The following VAPA variants were observed in gnomAD, a reference collection of about 807,000 sequenced individuals.
VAPA encodes vesicle-associated membrane protein-associated protein A.
In VAPA, 6 loss-of-function variants were observed where a neutral mutation model predicts 25.6. The observed-to-expected ratio is 0.23, with a 90% confidence interval of 0.13 to 0.46. The LOEUF (loss-of-function observed/expected upper bound fraction) is 0.46. VAPA is among the 20% of genes least tolerant of loss of function. The pLI, the probability that VAPA is intolerant of heterozygous loss-of-function variation, is 0.99. For missense variants in VAPA, 244 were observed against 302.1 expected, an observed-to-expected ratio of 0.81 and a Z score of 1.43; for synonymous variants, 112 against 106.2, an observed-to-expected ratio of 1.05 and a Z score of -0.34.
intron 4 of VAPA, among the ~76,000 whole-genome samples, chr18:9,947,041 C>T (rs74779418): frequency 0.022 from 3,383 of 152,278 alleles, 154 homozygotes; most frequent in African/African-American, 0.077. Context: ...TGCCTTCCAC[C>T]TCCACATCCT....
At chr18:9,921,569 G>A (rs1027432775) in intron 1 of VAPA, among the ~76,000 whole-genome samples, 3 of 152,102 alleles carry the variant, frequency 2.0e-5, no homozygotes, top group Admixed American at 2.0e-4. Flanking sequence ...TAGTAAAATG[G>A]TTACTATAGT....
chr18:9,931,966 G>C lies in VAPA; in HGVS notation c.232+4G>C. ...GGGTCAACTGTGACTGTTTCAGGTAGCAAATCATGTTCTGAATTTATGTAC... is the reference window on the plus strand; with the variant it reads ...GGGTCAACTGTGACTGTTTCAGGTACCAAATCATGTTCTGAATTTATGTAC... On this transcript the variant is annotated splice_donor_region_variant and intron_variant, in intron 2 of 5. Coordinates refer to ENST00000400000, the MANE Select transcript of VAPA (RefSeq NM_194434.3). The C allele has an allele frequency of 1.3e-6, 2 of 1,570,434 alleles. No individual in the cohort carries two copies. Among genetic ancestry groups the C allele is most frequent in the African/African-American group, 1.4e-5 (1 of 73,124 alleles).
At chr18:9,929,295 C>T (rs575126452) in intron 1 of VAPA, among the ~76,000 whole-genome samples, 4 of 152,258 alleles carry the variant, frequency 2.6e-5, no homozygotes, top group Non-Finnish European at 4.4e-5. Context: ...GTCCTGTTTC[C>T]TGCCCCCACC....
At chr18:9,922,247 G>GTATATGTATAT (rs2069163174) in intron 1 of VAPA, among the ~76,000 whole-genome samples, 1 of 152,038 alleles carries the variant, frequency 6.6e-6, no homozygotes. Flanking sequence ...TGGAATTACA[G>GTATATGTATAT]GCATGAGCTA....
intron 4 of VAPA, chr18:9,950,051 A>T: frequency 4.9e-6 from 1 of 204,026 alleles, no homozygotes; most frequent in Admixed American, 5.9e-5. Context: ...GTCATTCAGC[A>T]TACTTTCATT....
intron 4 of VAPA, among the ~76,000 whole-genome samples, chr18:9,943,716 A>G (rs1302762125): frequency 1.3e-5 from 2 of 151,580 alleles, no homozygotes; most frequent in African/African-American, 4.8e-5. Context: ...TTTATGACCT[A>G]TTCAGTTCTT....
intron 1 of VAPA, among the ~76,000 whole-genome samples, chr18:9,929,933 T>C (rs2069236660): frequency 6.6e-6 from 1 of 152,200 alleles, no homozygotes; most frequent in Non-Finnish European, 1.5e-5. Context: ...AGATAATTTA[T>C]ATTTTTATGT....
rs956373706 is a variant in VAPA, at chr18:9,950,467, A to T, written c.490A>T (p.Ser164Cys). The change falls in exon 5 of 6, where the codon AGT becomes TGT. Residue 164 changes from serine (S) to cysteine (C), a missense_variant. Ser to Cys is a moderately radical substitution (Grantham distance 112). Transcript: ENST00000400000. ...KQDGPMPKPH[S>C]VSLNDTETRK... ...AGATGGACCTATGCCAAAACCACAC[A>T]GTGTTTCACTTAATGATACCGAAAC... The T allele has an allele frequency of 6.2e-7, 1 of 1,614,154 alleles. No homozygotes were observed. The highest frequency in any genetic ancestry group is 1.7e-5 in the Admixed American group (1 of 60,024).
chr18:9,928,026 C>T (rs758024230), intron 1 of VAPA, among the ~76,000 whole-genome samples: 3 of 151,950 alleles, frequency 2.0e-5, no homozygotes, highest in African/African-American at 7.2e-5. Context: ...TGGGATAGTT[C>T]ATTATAAACA....
At chr18:9,926,335 C>A (rs1053481572) in intron 1 of VAPA, among the ~76,000 whole-genome samples, 4 of 152,150 alleles carry the variant, frequency 2.6e-5, no homozygotes, top group African/African-American at 9.7e-5. Context: ...TGAAGGTAGT[C>A]ATCACCTGCA....
At chr18:9,936,728 G>GAA (rs969673207) in intron 3 of VAPA, 2 of 402,102 alleles carry the variant, frequency 5.0e-6, no homozygotes, top group South Asian at 9.7e-5. Context: ...TGGAAAAAAA[G>GAA]AAAGAAATGC....
chr18:9,958,696 C>T lies in VAPA; in HGVS notation c.*4485C>T, dbSNP rs1048706409. 3.3e-5 allele frequency: 5 copies of T among 151,928 alleles called. No individual in the cohort carries two copies. The highest frequency in any genetic ancestry group is 1.2e-4 in the African/African-American group (5 of 41,356). The allele number at this position is 151,928 out of a possible 1,614,324, so 9.4% of individuals were successfully genotyped here. On this transcript the variant is annotated 3_prime_UTR_variant, in exon 6 of 6. Coordinates refer to ENST00000400000, the MANE Select transcript of VAPA (RefSeq NM_194434.3). The stretch of plus-strand genomic sequence containing the variant: ...AGATTTAATTAAGACTTGACTTCAG[C>T]AATACAGGGGAACTTAAAATACTTA...
chr18:9,927,290 C>T (rs1219012989), intron 1 of VAPA, among the ~76,000 whole-genome samples: 1 of 152,026 alleles, frequency 6.6e-6, no homozygotes, highest in East Asian at 1.9e-4. Flanking sequence ...ATATAATTAT[C>T]TCAACTTCTT....
intron 1 of VAPA, among the ~76,000 whole-genome samples, chr18:9,917,841 A>G (rs7241652): frequency 3.9e-4 from 60 of 152,206 alleles, no homozygotes; most frequent in African/African-American, 1.3e-3. Flanking sequence ...CTCTGGATGG[A>G]TATTTAGCAC....
At position 9,957,405 on chromosome 18, in the gene VAPA, C is replaced by T. The variant is rs114957930; in HGVS notation, c.*3194C>T. 2.6e-5 allele frequency: 4 copies of T among 152,260 alleles called. No individual in the cohort carries two copies. The highest frequency in any genetic ancestry group is 9.6e-5 in the African/African-American group (4 of 41,546). 9.4% of individuals were successfully genotyped at this position (152,260 alleles called of 1,614,324 possible). The stretch of plus-strand genomic sequence containing the variant: ...ATGGGAATTACTTTTGAACTGTAAT[C>T]TTTCAGATTACACCACTTTGAAAAC... On this transcript the variant is annotated 3_prime_UTR_variant, in exon 6 of 6. Coordinates refer to ENST00000400000, the MANE Select transcript of VAPA (RefSeq NM_194434.3).
At chr18:9,919,717 G>C (rs1026965159) in intron 1 of VAPA, among the ~76,000 whole-genome samples, 1 of 152,208 alleles carries the variant, frequency 6.6e-6, no homozygotes, top group African/African-American at 2.4e-5. Flanking sequence ...GATGAATGTA[G>C]TGCTGGTTTA....
chr18:9,951,974 T>C (rs903733282), intron 5 of VAPA, among the ~76,000 whole-genome samples: 1 of 152,224 alleles, frequency 6.6e-6, no homozygotes, highest in Non-Finnish European at 1.5e-5. Flanking sequence ...ATGGATCTTT[T>C]AAAGGATGTT....
At chr18:9,939,509 G>C (rs1296067992) in intron 4 of VAPA, among the ~76,000 whole-genome samples, 2 of 129,854 alleles carry the variant, frequency 1.5e-5, no homozygotes, top group Non-Finnish European at 3.3e-5. Context: ...AGTTTGTTAC[G>C]TTTCCTCTCT....
chr18:9,918,090 C>A (rs1236100185), intron 1 of VAPA, among the ~76,000 whole-genome samples: 1 of 151,966 alleles, frequency 6.6e-6, no homozygotes, highest in East Asian at 1.9e-4. Flanking sequence ...TCCATACTTT[C>A]TTCCCTGAGA....
Sources: gnomAD v4.1 joint callset for allele counts (sites outside exome capture counted in the v4.1 genomes callset) on GRCh38, gnomAD v4.1.1 for gene constraint, MANE v1.5 for transcripts, NCBI Gene and HGNC (gene_info 2026-07-23, HGNC 2026-07-21) for gene names.